The following DCC variants were observed in gnomAD, a reference collection of about 807,000 sequenced individuals.
The protein encoded by DCC is netrin receptor DCC.
A neutral mutation model predicts 172.5 loss-of-function variants in DCC; 58 were observed. The ratio of observed to expected loss-of-function variants is 0.34; its 90% CI spans 0.27 to 0.42. The LOEUF (loss-of-function observed/expected upper bound fraction) is 0.42. Ranked by LOEUF, DCC falls within the 10% of genes least tolerant of loss-of-function variation. The pLI, the probability that DCC is intolerant of heterozygous loss-of-function variation, is 1.00. For synonymous variants in DCC, 709 were observed against 644.5 expected (o/e 1.10, Z -1.52); for missense variants, 1,740 against 1,791.0 (o/e 0.97, Z 0.51).
intron 9 of DCC, among the ~76,000 whole-genome samples, chr18:53,202,881 T>A (rs930719199): frequency 1.3e-5 from 2 of 152,120 alleles, no homozygotes; most frequent in Non-Finnish European, 1.5e-5. Context: ...GGGGCTAGAT[T>A]CTTTAAAAAT....
intron 1 of DCC, among the ~76,000 whole-genome samples, chr18:52,477,251 A>G (rs536795341): frequency 7.3e-4 from 111 of 152,192 alleles, no homozygotes; most frequent in South Asian, 5.6e-3. Context: ...TCATGCGAAG[A>G]GATTGGATTC....
intron 15 of DCC, among the ~76,000 whole-genome samples, chr18:53,356,718 C>T (rs1395938882): frequency 6.6e-6 from 1 of 152,104 alleles, no homozygotes; most frequent in African/African-American, 2.4e-5. Flanking sequence ...CAGATGATGA[C>T]TTAAGAGGGA....
intron 1 of DCC, among the ~76,000 whole-genome samples, chr18:52,435,359 T>A (rs1293865158): frequency 6.6e-6 from 1 of 152,140 alleles, no homozygotes; most frequent in Non-Finnish European, 1.5e-5. Context: ...GTACCCCACT[T>A]AGCCCTTCTC....
chr18:52,784,605 A>G (rs892594700), intron 2 of DCC, among the ~76,000 whole-genome samples: 6 of 152,168 alleles, frequency 3.9e-5, no homozygotes, highest in Middle Eastern at 3.4e-3. Flanking sequence ...GTTAATAGCC[A>G]TTCTGACTGA....
intron 8 of DCC, among the ~76,000 whole-genome samples, 159 bp downstream of exon 8, chr18:53,157,671 A>G (rs1370866239): frequency 6.6e-6 from 1 of 152,210 alleles, no homozygotes; most frequent in Non-Finnish European, 1.5e-5. Flanking sequence ...GTGCACTTTT[A>G]AAAAGCAGTG....
chr18:53,435,670 C>A (rs1171002133), intron 22 of DCC, among the ~76,000 whole-genome samples: 1 of 152,052 alleles, frequency 6.6e-6, no homozygotes, highest in African/African-American at 2.4e-5. Flanking sequence ...TCTTCAAAAT[C>A]CTCTACCATC....
At chr18:52,559,097 G>GT (rs1204457457) in intron 1 of DCC, among the ~76,000 whole-genome samples, 7 of 151,110 alleles carry the variant, frequency 4.6e-5, no homozygotes, top group Non-Finnish European at 7.4e-5. Context: ...ATTAAGACAG[G>GT]TTTTTTTGTT....
chr18:52,585,315 A>G (rs1180814186), intron 1 of DCC, among the ~76,000 whole-genome samples: 1 of 152,248 alleles, frequency 6.6e-6, no homozygotes, highest in Non-Finnish European at 1.5e-5. Flanking sequence ...ATAGCCAGAC[A>G]GAAAACATTT....
chr18:53,381,560 ACC>A (rs747015453), intron 15 of DCC, among the ~76,000 whole-genome samples: 29,612 of 94,154 alleles, frequency 0.31, 2,304 homozygotes, highest in East Asian at 0.43. Context: ...TTTACCCCCC[ACC>A]CCCCCCCCAC....
At chr18:52,444,730 G>A (rs994028272) in intron 1 of DCC, among the ~76,000 whole-genome samples, 17 of 152,038 alleles carry the variant, frequency 1.1e-4, no homozygotes, top group Admixed American at 5.9e-4. Context: ...TTCTTCTCAA[G>A]AATGTATTCG....
intron 5 of DCC, among the ~76,000 whole-genome samples, chr18:53,045,071 C>T (rs942640047): frequency 2.0e-5 from 3 of 151,798 alleles, no homozygotes; most frequent in Admixed American, 2.0e-4. Flanking sequence ...TTAGAAGCTT[C>T]TGAGAAGCAC....
intron 1 of DCC, among the ~76,000 whole-genome samples, chr18:52,382,964 CAAAT>C (rs921707374): frequency 6.6e-5 from 10 of 152,086 alleles, no homozygotes; most frequent in African/African-American, 2.4e-4. Context: ...AAATTATGCA[CAAAT>C]AAAATTTAGA....
intron 12 of DCC, among the ~76,000 whole-genome samples, chr18:53,263,710 A>G (rs981725358): frequency 1.3e-5 from 2 of 152,102 alleles, no homozygotes; most frequent in Admixed American, 6.6e-5. Flanking sequence ...TTGGTTTTGC[A>G]TTATAATATT....
chr18:53,425,357 C>CTTTTTTTTTTTT lies in DCC; in HGVS notation c.3163+9210_3163+9221dup, dbSNP rs747096336. On this transcript the variant is annotated intron_variant, in intron 21 of 28. Transcript: ENST00000442544. ...CCACAATTTTCCCCGTTTCTCCTCT[C>CTTTTTTTTTTTT]TTTTTTTTTTTTTTTTTTTTGAGAC... Among the ~76,000 whole-genome samples the CTTTTTTTTTTTT allele has an allele frequency of 1.1e-3, 108 of 101,646 alleles. 1 individual carries two copies. The highest frequency in any genetic ancestry group is 1.6e-3 in the Non-Finnish European group (84 of 51,298). 66.7% of individuals were successfully genotyped at this position (101,646 alleles called of 152,430 possible). A position where few individuals can be genotyped will look rare whatever the true frequency, so the allele number is the denominator to read the frequency against.
At chr18:52,406,299 A>C (rs1986648453) in intron 1 of DCC, among the ~76,000 whole-genome samples, 1 of 149,070 alleles carries the variant, frequency 6.7e-6, no homozygotes. Flanking sequence ...AAGCAATGGC[A>C]ACAAAAGCCA....
chr18:52,398,291 C>A (rs1440511107), intron 1 of DCC, among the ~76,000 whole-genome samples: 1 of 151,910 alleles, frequency 6.6e-6, no homozygotes. Flanking sequence ...TATCTTAGAG[C>A]CTAATACACC....
At chr18:52,832,752 A>G (rs1250728311) in intron 2 of DCC, among the ~76,000 whole-genome samples, 1 of 152,128 alleles carries the variant, frequency 6.6e-6, no homozygotes, top group African/African-American at 2.4e-5. Context: ...TTTATTGGCC[A>G]TTGACTTTGC....
At chr18:53,066,448 C>T (rs540630008) in intron 7 of DCC, among the ~76,000 whole-genome samples, 2 of 138,386 alleles carry the variant, frequency 1.4e-5, no homozygotes, top group East Asian at 2.1e-4. Flanking sequence ...TATATAAAAT[C>T]TCCAATGAGA....
intron 1 of DCC, among the ~76,000 whole-genome samples, chr18:52,560,738 C>T (rs1207065962): frequency 6.6e-6 from 1 of 152,110 alleles, no homozygotes; most frequent in Admixed American, 6.6e-5. Flanking sequence ...TGAAATGTAT[C>T]ATTTTCTGCC....
Sources: gnomAD v4.1 joint callset for allele counts (sites outside exome capture counted in the v4.1 genomes callset) on GRCh38, gnomAD v4.1.1 for gene constraint, MANE v1.5 for transcripts, NCBI Gene and HGNC (gene_info 2026-07-23, HGNC 2026-07-21) for gene names.